The following OSBPL6 variants were observed in gnomAD, a reference collection of about 807,000 sequenced individuals.
OSBPL6 encodes oxysterol binding protein like 6.
In OSBPL6, 49 loss-of-function variants were observed where a neutral mutation model predicts 125.8. The observed-to-expected ratio is 0.39, with a 90% CI of 0.31 to 0.49. The LOEUF (loss-of-function observed/expected upper bound fraction) is 0.49, where lower values mean the gene tolerates loss of function less well. OSBPL6 is among the 20% of genes least tolerant of loss of function. The pLI, the probability that OSBPL6 is intolerant of heterozygous loss-of-function variation, is 0.88. For synonymous variants in OSBPL6, 394 were observed against 391.8 expected (o/e 1.01, Z -0.07); for missense variants, 986 against 1,135.4 (o/e 0.87, Z 1.89).
At chr2:178,268,793 C>T (rs1367191466) in intron 1 of OSBPL6, among the ~76,000 whole-genome samples, 4 of 150,906 alleles carry the variant, frequency 2.7e-5, no homozygotes, top group Admixed American at 6.6e-5. Context: ...GACATTTATT[C>T]CTCCTTATAG....
At chr2:178,329,234 A>T (rs1688972301) in intron 5 of OSBPL6, among the ~76,000 whole-genome samples, 1 of 152,130 alleles carries the variant, frequency 6.6e-6, no homozygotes, top group South Asian at 2.1e-4. Flanking sequence ...CTGCTCTTTG[A>T]AGGCTACAGT....
chr2:178,254,606 G>A (rs1478260330), intron 1 of OSBPL6, among the ~76,000 whole-genome samples: 2 of 152,102 alleles, frequency 1.3e-5, no homozygotes, highest in Admixed American at 1.3e-4. Flanking sequence ...CCTGTATTTT[G>A]TTTGGCACCC....
chr2:178,224,398 A>G (rs933026915), intron 1 of OSBPL6, among the ~76,000 whole-genome samples: 8 of 152,336 alleles, frequency 5.3e-5, no homozygotes, highest in Admixed American at 1.3e-4. Flanking sequence ...AGAGGGAAAA[A>G]GAACTTTGGA....
At chr2:178,286,656 T>C (rs1320256478) in intron 2 of OSBPL6, among the ~76,000 whole-genome samples, 2 of 152,214 alleles carry the variant, frequency 1.3e-5, no homozygotes, top group African/African-American at 2.4e-5. Flanking sequence ...GGGTCTGATA[T>C]TTCATGACCT....
At chr2:178,363,154 A>G (rs182260109) in intron 13 of OSBPL6, among the ~76,000 whole-genome samples, 198 of 152,340 alleles carry the variant, frequency 1.3e-3, no homozygotes, top group African/African-American at 4.4e-3. Context: ...GCTTAGAGTT[A>G]GAAGTCAAGC....
chr2:178,247,849 C>G (rs186299009), intron 1 of OSBPL6, among the ~76,000 whole-genome samples: 1 of 152,186 alleles, frequency 6.6e-6, no homozygotes, highest in African/African-American at 2.4e-5. Flanking sequence ...TTATACCTCA[C>G]AGGTTTGTAG....
In OSBPL6 at chr2:178,399,383, A is replaced by G. The variant is rs566380887; in HGVS notation, c.*3824A>G. The stretch of plus-strand genomic sequence containing the variant: ...CTGATACGTTTAAACTGTACATTGC[A>G]TAATCATTCTGTTAAACTAAACCTT... On this transcript the variant is annotated 3_prime_UTR_variant, in exon 25 of 25. Coordinates refer to ENST00000190611, the MANE Select transcript of OSBPL6 (RefSeq NM_032523.4). The G allele has an allele frequency of 1.8e-4, 27 of 152,234 alleles. No homozygotes were observed. Among genetic ancestry groups the G allele is most frequent in the Non-Finnish European group, 3.2e-4 (22 of 68,040 alleles). 9.4% of individuals were successfully genotyped at this position (152,234 alleles called of 1,614,324 possible). A position where few individuals can be genotyped will look rare whatever the true frequency, so the allele number is the denominator to read the frequency against.
At chr2:178,238,621 G>A (rs2091158969) in intron 1 of OSBPL6, among the ~76,000 whole-genome samples, 1 of 152,168 alleles carries the variant, frequency 6.6e-6, no homozygotes, top group South Asian at 2.1e-4. Context: ...AAAAATTCCT[G>A]CTGGTTTTGC....
At position 178,326,968 on chromosome 2, in the gene OSBPL6, C is replaced by T. The variant is rs548694331; in HGVS notation, c.196-1288C>T. On this transcript the variant is annotated intron_variant, in intron 4 of 24. Coordinates refer to ENST00000190611, the MANE Select transcript of OSBPL6 (RefSeq NM_032523.4). ...AAACACTGTGATAGAAATTAGTAGC[C>T]ATACCTAAGAATGATACATTGGAAA... Among the ~76,000 whole-genome samples the T allele has an allele frequency of 5.9e-5, 9 of 151,670 alleles. 1 individual carries two copies. The East Asian group carries it at 9.7e-4, about 16-fold the overall frequency.
chr2:178,373,438 T>C (rs1242059646), intron 14 of OSBPL6, among the ~76,000 whole-genome samples: 1 of 152,230 alleles, frequency 6.6e-6, no homozygotes, highest in Non-Finnish European at 1.5e-5. Flanking sequence ...GTTTTATTGG[T>C]TAAAATTCAT....
intron 1 of OSBPL6, among the ~76,000 whole-genome samples, chr2:178,241,605 G>A (rs1004873980): frequency 8.6e-5 from 13 of 151,824 alleles, no homozygotes; most frequent in African/African-American, 2.9e-4. Context: ...TAGTAGAGAC[G>A]GGGTTTCTCC....
At chr2:178,349,072 A>C (rs745775392) in intron 11 of OSBPL6, 152 bp from the exon 12 acceptor site, 63 of 839,242 alleles carry the variant, frequency 7.5e-5, no homozygotes, top group Non-Finnish European at 1.2e-4. Context: ...TCCTACCCCA[A>C]CTGCCTGCAA....
chr2:178,273,780 G>A (rs2092416965), intron 1 of OSBPL6, among the ~76,000 whole-genome samples: 2 of 152,002 alleles, frequency 1.3e-5, no homozygotes, highest in Non-Finnish European at 2.9e-5. Flanking sequence ...CAAATACATC[G>A]CATAACCATA....
At position 178,208,876 on chromosome 2, in the gene OSBPL6, T is replaced by G. The variant is rs2089693186; in HGVS notation, c.-351+14202T>G. ...TGAGAGGGTAAAATTTTTGAGATCT[T>G]AAATGTCTATAAATATTTTTACACT... On this transcript the variant is annotated intron_variant, in intron 1 of 24. Coordinates refer to ENST00000190611, the MANE Select transcript of OSBPL6 (RefSeq NM_032523.4). 2.2e-5 allele frequency among the ~76,000 whole-genome samples: 3 copies of G among 137,558 alleles called. No individual in the cohort carries two copies. In the Middle Eastern group the frequency reaches 0.011, roughly 502 times the overall value. 90.2% of individuals were successfully genotyped at this position (137,558 alleles called of 152,430 possible).
intron 1 of OSBPL6, among the ~76,000 whole-genome samples, chr2:178,254,669 C>G (rs544946121): frequency 1.6e-4 from 24 of 152,278 alleles, no homozygotes; most frequent in African/African-American, 5.8e-4. Context: ...GTGGTGGCCA[C>G]TAGAATGTAC....
chr2:178,336,398 T>C lies in OSBPL6; in HGVS notation c.755T>C (p.Leu252Ser). The change falls in exon 9 of 25, where the codon TTA becomes TCA. Residue 252 changes from leucine (L) to serine (S), a missense_variant. Around this residue, in one of 3 missense-constraint regions of OSBPL6, gnomAD observed 843 missense variants for 997.3 expected, o/e 0.85. Transcript: ENST00000190611. Reference protein sequence around the residue: ...TTGQSKVAAWLQDSEEMDRCA... With the variant: ...TTGQSKVAAWSQDSEEMDRCA... ...GGCCAGAGTAAAGTGGCAGCCTGGTTACAGGACTCGGAAGAGATGGACAGG... is the reference window on the plus strand; with the variant it reads ...GGCCAGAGTAAAGTGGCAGCCTGGTCACAGGACTCGGAAGAGATGGACAGG... 6.2e-7 allele frequency: 1 copy of C among 1,614,164 alleles called. No individual in the cohort carries two copies. Among genetic ancestry groups the C allele is most frequent in the Non-Finnish European group, 8.5e-7 (1 of 1,180,022 alleles).
chr2:178,225,408 A>G (rs1464017855), intron 1 of OSBPL6, among the ~76,000 whole-genome samples: 1 of 152,208 alleles, frequency 6.6e-6, no homozygotes, highest in African/African-American at 2.4e-5. Context: ...AGCACTTTGT[A>G]AAGTATGCTA....
intron 1 of OSBPL6, among the ~76,000 whole-genome samples, chr2:178,245,776 G>T (rs1303851284): frequency 1.3e-5 from 2 of 152,200 alleles, no homozygotes; most frequent in Non-Finnish European, 2.9e-5. Context: ...GGGAAACTGA[G>T]CTTCAGATGA....
chr2:178,325,174 G>A (rs1225606023), intron 4 of OSBPL6, among the ~76,000 whole-genome samples: 1 of 152,186 alleles, frequency 6.6e-6, no homozygotes, highest in African/African-American at 2.4e-5. Flanking sequence ...TTTTCAATGG[G>A]CTTCCTCCTT....
Sources: gnomAD v4.1 joint callset for allele counts (sites outside exome capture counted in the v4.1 genomes callset) on GRCh38, gnomAD v4.1.1 for gene constraint, gnomAD v4.1.1 regional missense constraint, MANE v1.5 for transcripts, NCBI Gene and HGNC (gene_info 2026-07-23, HGNC 2026-07-21) for gene names.